Variants in KLHDC4 observed in about 807,000 individuals in gnomAD.
KLHDC4 encodes the protein kelch domain containing 4.
Under a neutral mutation model 62.4 loss-of-function variants are expected in KLHDC4, and 90 were observed. The ratio of observed to expected loss-of-function variants is 1.44; its 90% CI spans 1.22 to 1.72. KLHDC4 has a LOEUF of 1.72. KLHDC4 is among the 40% of genes most tolerant of loss of function. The pLI, the probability that KLHDC4 is intolerant of heterozygous loss-of-function variation, is 0.00. For synonymous variants in KLHDC4, 386 were observed against 284.4 expected (o/e 1.36, Z -3.59); for missense variants, 1,025 against 699.7 (o/e 1.47, Z -5.25).
intron 5 of KLHDC4, among the ~76,000 whole-genome samples, chr16:87,735,397 G>A (rs1029248632): frequency 1.3e-4 from 20 of 151,828 alleles, no homozygotes; most frequent in Non-Finnish European, 2.5e-4. Context: ...TGCCACTGCC[G>A]TCCCCAACCA....
exon 1 of KLHDC4, chr16:87,702,300 T>G (rs1481432791): frequency 1.1e-5 from 5 of 456,146 alleles, no homozygotes; most frequent in Admixed American, 9.4e-5. Flanking sequence ...AGGGCCGGTC[T>G]GCCGGGGGCT....
intron 1 of KLHDC4, among the ~76,000 whole-genome samples, chr16:87,764,391 T>G (rs2046300987): frequency 6.6e-6 from 1 of 151,936 alleles, no homozygotes; most frequent in African/African-American, 2.4e-5. Context: ...GCTTACGGCT[T>G]GTAATCCCAG....
intron 6 of KLHDC4, among the ~76,000 whole-genome samples, chr16:87,727,624 C>T (rs1597538186): frequency 6.6e-6 from 1 of 152,318 alleles, no homozygotes; most frequent in East Asian, 1.9e-4. Flanking sequence ...GAAGTGGCAG[C>T]TTTGCTGGAG....
chr16:87,760,606 C>CAAAA (rs546426686), intron 2 of KLHDC4, among the ~76,000 whole-genome samples: 7 of 52,178 alleles, frequency 1.3e-4, no homozygotes, highest in African/African-American at 3.6e-4. Flanking sequence ...GACTCCGTCC[C>CAAAA]AAAAAAAAAA....
downstream of KLHDC4, among the ~76,000 whole-genome samples, chr16:87,704,439 G>C (rs1423990201): frequency 9.9e-6 from 1 of 101,388 alleles, no homozygotes; most frequent in Non-Finnish European, 1.9e-5. Context: ...CGGGGAAGGA[G>C]GCGCCTGGGG....
At chr16:87,703,744 T>C (rs968710032), downstream of KLHDC4, among the ~76,000 whole-genome samples, 1 of 152,320 alleles carries the variant, frequency 6.6e-6, no homozygotes, top group South Asian at 2.1e-4. Context: ...CGGGTCACCG[T>C]GGTACCTGCA....
chr16:87,699,928 G>A (rs1319932267), exon 1 of KLHDC4: 1 of 152,264 alleles, frequency 6.6e-6, no homozygotes, highest in Non-Finnish European at 1.5e-5. Context: ...AGAACTCGAG[G>A]GAAATGAAAT....
intron 6 of KLHDC4, 23 bp downstream of exon 6, chr16:87,730,529 A>G: frequency 1.3e-6 from 2 of 1,586,296 alleles, no homozygotes; most frequent in Middle Eastern, 1.7e-4. Context: ...GGAGAGAAAG[A>G]TTTTTCCGTT....
chr16:87,742,245 G>A (rs1042053073), intron 5 of KLHDC4, among the ~76,000 whole-genome samples: 6 of 152,102 alleles, frequency 3.9e-5, no homozygotes, highest in African/African-American at 1.4e-4. Context: ...TCAACAGGCC[G>A]CCTGCACCCT....
At chr16:87,728,003 T>C (rs2039675166) in intron 6 of KLHDC4, among the ~76,000 whole-genome samples, 1 of 152,084 alleles carries the variant, frequency 6.6e-6, no homozygotes, top group Non-Finnish European at 1.5e-5. Context: ...CTGGACAATA[T>C]GGTGAAACCT....
In KLHDC4 at chr16:87,726,884, C is replaced by A. The variant is rs753113038; in HGVS notation, c.640G>T (p.Asp214Tyr). The A allele has an allele frequency of 3.1e-6, 5 of 1,613,850 alleles. No individual in the cohort carries two copies. In the South Asian group the frequency reaches 4.4e-5, roughly 14 times the overall value. Reference protein sequence around the residue: ...YYNDVYAFNLDTFTWSKLSPS... With the variant: ...YYNDVYAFNLYTFTWSKLSPS... The stretch of plus-strand genomic sequence containing the variant: ...GACAGCTTGCTCCATGTGAAGGTGT[C>A]CAGATTAAAGGCATACACGTCGTTG... Residue 214 changes from aspartate to tyrosine, a missense_variant, in exon 7 of 12, where the codon GAC becomes TAC. Physicochemically the swap from Asp to Tyr is radical, Grantham distance 160 (BLOSUM62 -3). Coordinates refer to ENST00000270583, the MANE Select transcript of KLHDC4 (RefSeq NM_017566.4).
chr16:87,717,031 A>T (rs2037145819), intron 7 of KLHDC4, among the ~76,000 whole-genome samples: 1 of 152,224 alleles, frequency 6.6e-6, no homozygotes, highest in Non-Finnish European at 1.5e-5. Context: ...CAGGAGTTCA[A>T]GACCAGCCTG....
intron 5 of KLHDC4, among the ~76,000 whole-genome samples, chr16:87,731,500 A>G (rs146209517): frequency 1.3e-3 from 205 of 152,232 alleles, no homozygotes; most frequent in African/African-American, 4.7e-3. Flanking sequence ...AAAAGGAAAG[A>G]TGCCCAACAT....
At chr16:87,756,513 C>A in intron 2 of KLHDC4, 36 bp from the exon 3 acceptor site, 3 of 1,480,058 alleles carry the variant, frequency 2.0e-6, no homozygotes, top group Non-Finnish European at 2.8e-6. Context: ...AGCAAGATCA[C>A]CCCCGATACC....
intron 6 of KLHDC4, among the ~76,000 whole-genome samples, chr16:87,727,177 CAT>C (rs1338266376): frequency 1.1e-5 from 1 of 88,424 alleles, no homozygotes. Context: ...GACAGGGCAA[CAT>C]TTTCACCTGT....
intron 5 of KLHDC4, among the ~76,000 whole-genome samples, chr16:87,743,721 CAG>C (rs1001481959): frequency 2.0e-5 from 3 of 151,952 alleles, no homozygotes; most frequent in African/African-American, 7.3e-5. Context: ...GCCTGGGAGA[CAG>C]AGCGCGACAC....
At chr16:87,745,118 T>A (rs1475225953) in intron 5 of KLHDC4, among the ~76,000 whole-genome samples, 1 of 152,150 alleles carries the variant, frequency 6.6e-6, no homozygotes, top group African/African-American at 2.4e-5. Flanking sequence ...AACTTGGGGG[T>A]CAGGGGACAC....
intron 5 of KLHDC4, among the ~76,000 whole-genome samples, chr16:87,744,875 G>A (rs952516129): frequency 2.6e-5 from 4 of 152,040 alleles, no homozygotes; most frequent in South Asian, 2.1e-4. Flanking sequence ...GCACACACAC[G>A]AGCACACACA....
At chr16:87,754,119 G>A (rs2143261701) in intron 4 of KLHDC4, among the ~76,000 whole-genome samples, 1 of 152,158 alleles carries the variant, frequency 6.6e-6, no homozygotes, top group South Asian at 2.1e-4. Flanking sequence ...CAGGCTGGGA[G>A]ACAGAGCAAG....
Sources: gnomAD v4.1 joint callset for allele counts (sites outside exome capture counted in the v4.1 genomes callset) on GRCh38, gnomAD v4.1.1 for gene constraint, MANE v1.5 for transcripts, NCBI Gene and HGNC (gene_info 2026-07-23, HGNC 2026-07-21) for gene names.